Variants in ACACB observed in about 807,000 individuals in gnomAD.
The protein encoded by ACACB is acetyl-CoA carboxylase beta.
A neutral mutation model predicts 278.8 loss-of-function variants in ACACB; 209 were observed. That is an observed-to-expected ratio of 0.75 (90% CI 0.67 to 0.84). The LOEUF (loss-of-function observed/expected upper bound fraction) is 0.84. ACACB is among the 40% of genes least tolerant of loss of function. The pLI is 0.00. For missense variants in ACACB, 2,850 were observed against 3,269.0 expected, an observed-to-expected ratio of 0.87 and a Z score of 3.13; for synonymous variants, 1,174 against 1,285.6, an observed-to-expected ratio of 0.91 and a Z score of 1.86.
At chr12:109,178,583 A>G (rs1593476976) in intron 9 of ACACB, among the ~76,000 whole-genome samples, 1 of 152,228 alleles carries the variant, frequency 6.6e-6, no homozygotes, top group Non-Finnish European at 1.5e-5. Context: ...AAAAAAGAGA[A>G]TATGTTGCAG....
chr12:109,209,855 ATG>A (rs1491346215), intron 21 of ACACB, among the ~76,000 whole-genome samples: 2 of 140,704 alleles, frequency 1.4e-5, no homozygotes, highest in African/African-American at 5.4e-5. Flanking sequence ...GTGTGTATAT[ATG>A]TATATACACA....
intron 2 of ACACB, among the ~76,000 whole-genome samples, chr12:109,161,515 C>T (rs1019195749): frequency 6.6e-6 from 1 of 151,910 alleles, no homozygotes; most frequent in African/African-American, 2.4e-5. Flanking sequence ...TGCTCTCCAG[C>T]CTGGGCGACA....
chr12:109,267,820 C>G lies in ACACB; in HGVS notation c.*1458C>G, dbSNP rs1328070230. The G allele has an allele frequency of 6.6e-6, 1 of 152,528 alleles. No individual in the cohort carries two copies. Among genetic ancestry groups the G allele is most frequent in the African/African-American group, 2.4e-5 (1 of 41,424 alleles). 9.4% of individuals were successfully genotyped at this position (152,528 alleles called of 1,614,324 possible). ...CGGAGTCGGGGATGGAGGGAGCTGGCCACAACCCACTGCTCTGATGGGTGG... is the reference window on the plus strand; with the variant it reads ...CGGAGTCGGGGATGGAGGGAGCTGGGCACAACCCACTGCTCTGATGGGTGG... On this transcript the variant is annotated 3_prime_UTR_variant, in exon 53 of 53. Transcript: ENST00000338432.
In ACACB at chr12:109,168,553, C is replaced by T. The variant is rs576950839; in HGVS notation, c.925+519C>T. 3.3e-5 allele frequency among the ~76,000 whole-genome samples: 5 copies of T among 152,278 alleles called. No individual in the cohort carries two copies. The South Asian group carries it at 1.0e-3, about 32-fold the overall frequency. ...AAACCTCAGCCAGAGCGCTGGCTCACCCCTGTAATCCCAGCACTTTGGGAG... is the reference window on the plus strand; with the variant it reads ...AAACCTCAGCCAGAGCGCTGGCTCATCCCTGTAATCCCAGCACTTTGGGAG... On this transcript the variant is annotated intron_variant, in intron 4 of 52. Transcript: ENST00000338432.
chr12:109,115,313 G>A (rs2042382488), upstream of ACACB, among the ~76,000 whole-genome samples: 1 of 152,134 alleles, frequency 6.6e-6, no homozygotes, highest in South Asian at 2.1e-4. Flanking sequence ...TAATAGTCCT[G>A]CCACTGTCAA....
At chr12:109,151,659 G>A (rs246089) in intron 2 of ACACB, among the ~76,000 whole-genome samples, 5,590 of 152,230 alleles carry the variant, frequency 0.037, 148 homozygotes, top group East Asian at 0.1. Flanking sequence ...ACATGCATGC[G>A]GATTTTCTTG....
chr12:109,180,130 G>T, intron 11 of ACACB, 43 bp downstream of exon 11: 1 of 1,592,876 alleles, frequency 6.3e-7, no homozygotes, highest in Non-Finnish European at 8.6e-7. Context: ...TCTGCCCTGG[G>T]TCAGGGGTCC....
At chr12:109,156,084 G>A (rs2043524303) in intron 2 of ACACB, among the ~76,000 whole-genome samples, 1 of 152,170 alleles carries the variant, frequency 6.6e-6, no homozygotes, top group African/African-American at 2.4e-5. Flanking sequence ...TCCTCGCCAG[G>A]CAGGGTGGTG....
Position 109,172,310 on chromosome 12 carries a change from C to T in ACACB, c.1071C>T (p.Asn357=), listed in dbSNP as rs1170207695. The T allele has an allele frequency of 6.2e-7, 1 of 1,614,112 alleles. No homozygotes were observed. Among genetic ancestry groups the T allele is most frequent in the Non-Finnish European group, 8.5e-7 (1 of 1,180,036 alleles). The change falls in exon 6 of 53, where the codon AAC becomes AAT. Residue 357 remains asparagine (N), a synonymous_variant. Transcript: ENST00000338432. ...CTGGCTGGGGCCATGCTTCAGAAAA[C>T]CCTAAACTTCCGGAGCTGCTGTGCA... is the stretch of plus-strand genomic sequence containing the variant. ...VWAGWGHASE[N]PKLPELLCKN...
intron 49 of ACACB, chr12:109,263,080 C>A (rs1267645685): frequency 6.7e-6 from 1 of 149,890 alleles, no homozygotes; most frequent in African/African-American, 2.4e-5. Context: ...CAAAATGTTC[C>A]TTTAGAATTC....
intron 28 of ACACB, among the ~76,000 whole-genome samples, chr12:109,230,595 T>A (rs2046440705): frequency 6.6e-6 from 1 of 152,168 alleles, no homozygotes; most frequent in Admixed American, 6.5e-5. Flanking sequence ...GCTAATTCTT[T>A]AAAAATATTT....
Position 109,258,954 on chromosome 12 carries a change from C to T in ACACB, c.6361-19C>T. 6.2e-7 allele frequency: 1 copy of T among 1,613,560 alleles called. No individual in the cohort carries two copies. On this transcript the variant is annotated intron_variant, in intron 46 of 52. Coordinates refer to ENST00000338432, the MANE Select transcript of ACACB (RefSeq NM_001093.4). ...GTGGTTGTGCAGAGACATCTGATCC[C>T]CGCAGCTCTGTGTTCCAGATAATTC...
chr12:109,172,192 G>A (rs534267029), intron 5 of ACACB, 83 bp from the exon 6 acceptor site: 11 of 1,346,972 alleles, frequency 8.2e-6, no homozygotes, highest in African/African-American at 1.4e-5. Context: ...AAACTGCTGG[G>A]GTTATAGGCG....
intron 2 of ACACB, among the ~76,000 whole-genome samples, chr12:109,147,110 G>A (rs1316454039): frequency 1.3e-5 from 2 of 152,024 alleles, no homozygotes; most frequent in African/African-American, 4.8e-5. Context: ...GGCCTTCCCT[G>A]TCCCTTTCTC....
intron 36 of ACACB, chr12:109,242,154 G>A (rs550469145): frequency 2.3e-5 from 8 of 352,742 alleles, no homozygotes; most frequent in East Asian, 5.4e-5. Flanking sequence ...GACCACGTTC[G>A]GATTTCACCA....
intron 6 of ACACB, 51 bp downstream of exon 6, chr12:109,172,407 C>T: frequency 3.2e-6 from 5 of 1,550,662 alleles, no homozygotes; most frequent in Non-Finnish European, 4.4e-6. Flanking sequence ...TGCTGGGACA[C>T]TCTGCTGGGT....
chr12:109,176,013 C>T lies in ACACB; in HGVS notation c.1299C>T (p.Cys433=), dbSNP rs370332922. 1.4e-5 allele frequency: 22 copies of T among 1,614,092 alleles called. No homozygotes were observed. The highest frequency in any genetic ancestry group is 1.2e-4 in the African/African-American group (9 of 75,004). The change falls in exon 8 of 53, where the codon TGC becomes TGT. Residue 433 remains cysteine, a synonymous_variant. Coordinates refer to ENST00000338432, the MANE Select transcript of ACACB (RefSeq NM_001093.4). ...SVPEDVYDKG[C]VKDVDEGLEA... ...CAGAAGATGTTTATGACAAGGGTTG[C>T]GTGAAAGACGTAGATGAGGGCTTGG...
intron 11 of ACACB, among the ~76,000 whole-genome samples, chr12:109,184,557 A>T (rs957321428): frequency 1.3e-5 from 2 of 152,110 alleles, no homozygotes; most frequent in Non-Finnish European, 2.9e-5. Flanking sequence ...TTGTTCCAAT[A>T]ATGTCTTTTT....
chr12:109,175,226 T>TC (rs1171761753), intron 7 of ACACB, among the ~76,000 whole-genome samples: 1 of 152,152 alleles, frequency 6.6e-6, no homozygotes, highest in Non-Finnish European at 1.5e-5. Context: ...AAATTTGTTT[T>TC]TTTTTCCCCC....
Sources: gnomAD v4.1 joint callset for allele counts (sites outside exome capture counted in the v4.1 genomes callset) on GRCh38, gnomAD v4.1.1 for gene constraint, MANE v1.5 for transcripts, NCBI Gene and HGNC (gene_info 2026-07-23, HGNC 2026-07-21) for gene names.